The following CENPP variants were observed in gnomAD, a reference collection of about 807,000 sequenced individuals.
The protein encoded by CENPP is centromere protein P.
A neutral mutation model predicts 35.6 loss-of-function variants in CENPP; 24 were observed. The ratio of observed to expected loss-of-function variants is 0.67; its 90% CI spans 0.49 to 0.95. The LOEUF (loss-of-function observed/expected upper bound fraction) is 0.95, where lower values mean the gene tolerates loss of function less well. Among genes scored for constraint, CENPP ranks in the 40% least tolerant of loss-of-function variants. CENPP has a pLI of 0.00. For missense variants in CENPP, 332 were observed against 345.3 expected (o/e 0.96, Z 0.31); for synonymous variants, 120 against 125.5 (o/e 0.96, Z 0.29).
chr9:92,562,660 C>A (rs112531131), intron 5 of CENPP, among the ~76,000 whole-genome samples: 4 of 152,086 alleles, frequency 2.6e-5, no homozygotes, highest in Non-Finnish European at 1.5e-5. Context: ...TTCTGCAAAC[C>A]CTGAAACCCA....
At chr9:92,325,714 C>T (rs538832584), upstream of CENPP, 103 of 378,970 alleles carry the variant, frequency 2.7e-4, 3 homozygotes, top group Admixed American at 4.8e-3. Context: ...AGCAGCGGAG[C>T]GCTTGGGCTT....
At chr9:92,457,396 A>G (rs1178620859) in intron 5 of CENPP, 19 of 1,613,650 alleles carry the variant, frequency 1.2e-5, no homozygotes, top group Non-Finnish European at 1.6e-5. Flanking sequence ...AACTTATTGC[A>G]CTGTATAAAG....
intron 4 of CENPP, among the ~76,000 whole-genome samples, chr9:92,356,665 A>G (rs1164872304): frequency 6.6e-6 from 1 of 152,240 alleles, no homozygotes; most frequent in Non-Finnish European, 1.5e-5. Flanking sequence ...TTCACAATTT[A>G]TGTTCAGAGA....
chr9:92,400,720 T>A (rs556663195), intron 5 of CENPP, among the ~76,000 whole-genome samples: 1 of 152,366 alleles, frequency 6.6e-6, no homozygotes, highest in East Asian at 1.9e-4. Context: ...GATGTATATG[T>A]GTGTTTCTGT....
intron 4 of CENPP, among the ~76,000 whole-genome samples, chr9:92,362,224 A>G (rs550189084): frequency 2.1e-5 from 3 of 143,144 alleles, no homozygotes; most frequent in African/African-American, 7.3e-5. Context: ...AAGTTAAAAA[A>G]AAAAAATTAG....
intron 5 of CENPP, among the ~76,000 whole-genome samples, chr9:92,591,008 T>G (rs191763146): frequency 4.0e-4 from 61 of 152,366 alleles, no homozygotes; most frequent in African/African-American, 1.4e-3. Flanking sequence ...CATTAAAGTC[T>G]TTATACTTTC....
At chr9:92,568,880 CT>C (rs1343719251) in intron 5 of CENPP, among the ~76,000 whole-genome samples, 28 of 152,272 alleles carry the variant, frequency 1.8e-4, no homozygotes, top group African/African-American at 6.3e-4. Flanking sequence ...GCATAAATGT[CT>C]TCTTTTGAGA....
In CENPP at chr9:92,366,084, G is replaced by A. The variant is rs111918433; in HGVS notation, c.468-13679G>A. On this transcript the variant is annotated intron_variant, in intron 4 of 7. Transcript: ENST00000375587. ...AGTCCCAGCTACTCAGTAGGCTGAG[G>A]CAGGAGAATGGTGTGAACCTGGGAG... 2.0e-3 allele frequency among the ~76,000 whole-genome samples: 302 copies of A among 151,312 alleles called. 3 individuals are homozygous for A. Among genetic ancestry groups the A allele is most frequent in the African/African-American group, 6.9e-3 (286 of 41,214 alleles).
chr9:92,348,329 CTTCAT>C (rs1285100149), intron 4 of CENPP, among the ~76,000 whole-genome samples: 2 of 151,134 alleles, frequency 1.3e-5, no homozygotes, highest in Non-Finnish European at 1.5e-5. Flanking sequence ...TTATTTCATT[CTTCAT>C]TTCATTTGAT....
In CENPP at chr9:92,345,680, A is replaced by T. The variant is rs1841272532; in HGVS notation, c.379-19A>T. On this transcript the variant is annotated intron_variant, in intron 3 of 7. Transcript: ENST00000375587. ...AAGTTTACTGTGCTTTGATACAGAA[A>T]TTTTTATCTTTATTTTAGAATAAGG... is the stretch of plus-strand genomic sequence containing the variant. The T allele has an allele frequency of 3.2e-5, 46 of 1,425,376 alleles. No homozygotes were observed. The highest frequency in any genetic ancestry group is 4.4e-5 in the Non-Finnish European group (45 of 1,021,658). The allele number at this position is 1,425,376 out of a possible 1,614,324, so 88.3% of individuals were successfully genotyped here.
chr9:92,573,539 C>T (rs984442893), intron 5 of CENPP, among the ~76,000 whole-genome samples: 3 of 152,206 alleles, frequency 2.0e-5, no homozygotes, highest in Admixed American at 6.5e-5. Flanking sequence ...TTAGGCTACT[C>T]GGGGGTCAGG....
intron 4 of CENPP, among the ~76,000 whole-genome samples, chr9:92,365,655 C>T (rs1841869382): frequency 6.6e-6 from 1 of 151,688 alleles, no homozygotes; most frequent in Admixed American, 6.6e-5. Flanking sequence ...AGGTGATCCA[C>T]CCGTCTGGGC....
chr9:92,390,587 T>TGTGTGTGTGTGTGCGCGCGC (rs749697394), intron 5 of CENPP, among the ~76,000 whole-genome samples: 1 of 141,814 alleles, frequency 7.1e-6, no homozygotes, highest in East Asian at 2.3e-4. Context: ...TGTGTGTGTG[T>TGTGTGTGTGTGTGCGCGCGC]GCGCGCGCGC....
At chr9:92,333,290 C>A (rs1314188412) in intron 2 of CENPP, among the ~76,000 whole-genome samples, 1 of 152,196 alleles carries the variant, frequency 6.6e-6, no homozygotes, top group East Asian at 1.9e-4. Flanking sequence ...GGGTCTTGGG[C>A]AGCCACTGCA....
chr9:92,439,937 C>T (rs1376778213), intron 5 of CENPP, among the ~76,000 whole-genome samples: 1 of 152,178 alleles, frequency 6.6e-6, no homozygotes, highest in African/African-American at 2.4e-5. Flanking sequence ...TTACAGTGGC[C>T]TCCCCTTATC....
chr9:92,606,867 G>A (rs1851096120), intron 5 of CENPP, among the ~76,000 whole-genome samples: 1 of 152,170 alleles, frequency 6.6e-6, no homozygotes, highest in Non-Finnish European at 1.5e-5. Flanking sequence ...GGAAGCTGAG[G>A]CAGGCGAATC....
intron 5 of CENPP, among the ~76,000 whole-genome samples, chr9:92,404,940 G>C (rs1031034360): frequency 1.3e-5 from 2 of 151,990 alleles, no homozygotes; most frequent in African/African-American, 4.8e-5. Context: ...TGACAACATA[G>C]TCCATGTTGT....
In CENPP at chr9:92,619,455, C is replaced by G; in HGVS notation, c.*6306C>G. 1 of 1,542,510 alleles carries G rather than the reference C, an allele frequency of 6.5e-7. No individual in the cohort carries two copies. Among genetic ancestry groups the G allele is most frequent in the Non-Finnish European group, 8.8e-7 (1 of 1,133,782 alleles). On this transcript the variant is annotated 3_prime_UTR_variant, in exon 8 of 8. Transcript: ENST00000375587. ...ACTGTCCATAAAACCCCGTTAGACC[C>G]AGGCTGCATGCCTTGCAGTGGGGGC...
At chr9:92,352,510 CATATATAT>C (rs67070835) in intron 4 of CENPP, among the ~76,000 whole-genome samples, 991 of 50,430 alleles carry the variant, frequency 0.02, 65 homozygotes, top group Middle Eastern at 0.037. Flanking sequence ...TGTGTGTATA[CATATATAT>C]ATATATATAT....
Sources: allele counts gnomAD v4.1 joint callset (sites outside exome capture counted in the v4.1 genomes callset), GRCh38; gene constraint gnomAD v4.1.1; transcripts MANE v1.5; gene names NCBI Gene and HGNC (gene_info 2026-07-23, HGNC 2026-07-21).